NT5DC4: variants seen among roughly 807,000 people sequenced by gnomAD.
NT5DC4 encodes the protein 5'-nucleotidase domain-containing protein 4.
NT5DC4 carries 44 observed loss-of-function variants against 26.6 expected under a neutral mutation model. The observed-to-expected ratio is 1.65, with a 90% confidence interval of 1.30 to 2.13. The LOEUF (loss-of-function observed/expected upper bound fraction) is 2.13, where lower values mean the gene tolerates loss of function less well. Ranked by LOEUF, NT5DC4 falls within the 30% of genes most tolerant of loss-of-function variation. The pLI is 0.00. For synonymous variants in NT5DC4, 157 were observed against 86.7 expected (o/e 1.81, Z -4.51); for missense variants, 399 against 228.1 (o/e 1.75, Z -4.83).
Position 112,725,205 on chromosome 2 carries a change from C to A in NT5DC4, c.947C>A (p.Thr316Lys). ...DSGKLHVGTY[T>K]GPHQHCAVYS... is the part of the protein sequence containing the mutation. ...GGAAAGCTCCACGTGGGCACCTACACAGGGCCCCACCAGCACTGTGCTGTC... is the reference window on the plus strand; with the variant it reads ...GGAAAGCTCCACGTGGGCACCTACAAAGGGCCCCACCAGCACTGTGCTGTC... The change falls in exon 12 of 17, where the codon ACA (threonine) becomes AAA (lysine). Residue 316 changes from threonine to lysine, a missense_variant. Coordinates refer to ENST00000688554, the MANE Select transcript of NT5DC4 (RefSeq NM_001393655.1). The A allele has an allele frequency of 1.4e-6, 1 of 716,130 alleles. No individual in the cohort carries two copies. Among genetic ancestry groups the A allele is most frequent in the Non-Finnish European group, 2.6e-6 (1 of 384,140 alleles). The allele number at this position is 716,130 out of a possible 1,614,324, so 44.4% of individuals were successfully genotyped here.
rs1465552485 is a variant in NT5DC4, at chr2:112,723,426, C to G, written c.630C>G (p.Leu210=). The change falls in exon 8 of 17, where the codon CTC becomes CTG. Residue 210 remains leucine (L), a synonymous_variant. Coordinates refer to ENST00000688554, the MANE Select transcript of NT5DC4 (RefSeq NM_001393655.1). ...TTTGCTCCCTCCTGCAGGGCTGTCT[C>G]AAGAAGACCCTGGAGGACTTGGAGA... is the stretch of plus-strand genomic sequence containing the variant. The part of the protein sequence containing the change: ...AMNNIHQSGC[L]KKTLEDLEKY... The G allele has an allele frequency of 2.8e-6, 2 of 716,050 alleles. No individual in the cohort carries two copies. Among genetic ancestry groups the G allele is most frequent in the Admixed American group, 2.0e-5 (1 of 49,842 alleles). 44.4% of individuals were successfully genotyped at this position (716,050 alleles called of 1,614,324 possible).
rs760868339 is a variant in NT5DC4 at position 112,738,903 on chromosome 2, C to A, written c.1345-10C>A. 6.2e-7 allele frequency: 1 copy of A among 1,614,128 alleles called. No individual in the cohort carries two copies. The highest frequency in any genetic ancestry group is 8.5e-7 in the Non-Finnish European group (1 of 1,179,982). On this transcript the variant is annotated splice_polypyrimidine_tract_variant and intron_variant, in intron 16 of 16. Coordinates refer to ENST00000688554, the MANE Select transcript of NT5DC4 (RefSeq NM_001393655.1). ...AATATAAAACATTTTGTTTCTTCCACTTCTAACAGTTCATCAAGAGAAGCC... is the reference window on the plus strand; with the variant it reads ...AATATAAAACATTTTGTTTCTTCCAATTCTAACAGTTCATCAAGAGAAGCC...
chr2:112,724,245 G>A (rs1246459118), intron 10 of NT5DC4, 119 bp downstream of exon 10: 2 of 696,326 alleles, frequency 2.9e-6, no homozygotes, highest in African/African-American at 3.5e-5. Flanking sequence ...AGGAAGACCT[G>A]AGTGTGTGAG....
In NT5DC4 at chr2:112,734,169, A is replaced by ATATATGTGTGTGTGTGTGTGTG. The variant is rs150412692; in HGVS notation, c.1344+4466_1344+4467insATATGTGTGTGTGTGTGTGTGT. 5.1e-4 allele frequency among the ~76,000 whole-genome samples: 69 copies of ATATATGTGTGTGTGTGTGTGTG among 134,862 alleles called. 1 individual carries two copies. Among genetic ancestry groups the ATATATGTGTGTGTGTGTGTGTG allele is most frequent in the East Asian group, 8.8e-4 (4 of 4,552 alleles). The allele number at this position is 134,862 out of a possible 152,430, so 88.5% of individuals were successfully genotyped here. ...AAGTGTTTTCTATGCTATTATATATATGTGTGTGTGTGTGTGTGTGTGTGT... is the reference window on the plus strand; with the variant it reads ...AAGTGTTTTCTATGCTATTATATATATATATGTGTGTGTGTGTGTGTGTGTGTGTGTGTGTGTGTGTGTGTGT... On this transcript the variant is annotated intron_variant, in intron 16 of 16. Coordinates refer to ENST00000688554, the MANE Select transcript of NT5DC4 (RefSeq NM_001393655.1).
In NT5DC4 at chr2:112,721,978, C is replaced by T. The variant is rs1676932525; in HGVS notation, c.149-8C>T. ...ACCAAAGCCCTGATTCTGTCCGGGC[C>T]TCTGCAGCCTACAAGTCCCCAGCTT... On this transcript the variant is annotated splice_polypyrimidine_tract_variant and splice_region_variant and intron_variant, in intron 2 of 16. Transcript: ENST00000688554. The T allele has an allele frequency of 1.4e-6, 1 of 717,190 alleles. No individual in the cohort carries two copies. Among genetic ancestry groups the T allele is most frequent in the African/African-American group, 1.7e-5 (1 of 57,270 alleles). 44.4% of individuals were successfully genotyped at this position (717,190 alleles called of 1,614,324 possible).
chr2:112,721,792 G>T (rs760050345), intron 1 of NT5DC4, 26 bp from the exon 2 acceptor site: 11 of 717,096 alleles, frequency 1.5e-5, no homozygotes. Flanking sequence ...GTGGACTGAT[G>T]CCAACATCCT....
intron 16 of NT5DC4, among the ~76,000 whole-genome samples, chr2:112,732,254 G>C (rs975237740): frequency 6.6e-6 from 1 of 152,032 alleles, no homozygotes; most frequent in African/African-American, 2.4e-5. Context: ...GAAGCTTCCA[G>C]GTTTGACACT....
intron 15 of NT5DC4, 25 bp from the exon 16 acceptor site, chr2:112,729,602 C>T (rs1445278525): frequency 1.4e-6 from 1 of 717,708 alleles, no homozygotes; most frequent in Admixed American, 2.0e-5. Flanking sequence ...GAGTGCTTCA[C>T]CTCCACCTGC....
intron 16 of NT5DC4, among the ~76,000 whole-genome samples, chr2:112,735,558 G>C (rs887195757): frequency 6.6e-6 from 1 of 150,870 alleles, no homozygotes; most frequent in Non-Finnish European, 1.5e-5. Context: ...AACAACATTA[G>C]ACTTATTTTT....
At chr2:112,739,961 AT>A (rs905489088), downstream of NT5DC4, among the ~76,000 whole-genome samples, 3 of 146,408 alleles carry the variant, frequency 2.0e-5, no homozygotes, top group African/African-American at 2.5e-5. Flanking sequence ...CAGCCTTTTC[AT>A]TTTTTTTTTG....
intron 12 of NT5DC4, 60 bp downstream of exon 12, chr2:112,725,300 C>T (rs2104740796): frequency 1.4e-6 from 1 of 694,346 alleles, no homozygotes; most frequent in East Asian, 2.7e-5. Context: ...CGACTAGGAG[C>T]CCAGGCCCCT....
At chr2:112,723,055 C>T (rs1448044673) in intron 6 of NT5DC4, 26 bp from the exon 7 acceptor site, 1 of 702,286 alleles carries the variant, frequency 1.4e-6, no homozygotes, top group Non-Finnish European at 2.7e-6. Context: ...TTATTGGCCT[C>T]CCCGTCCCCT....
intron 14 of NT5DC4, 84 bp from the exon 15 acceptor site, chr2:112,726,594 G>A (rs573894953): frequency 1.4e-4 from 101 of 713,598 alleles, no homozygotes; most frequent in African/African-American, 1.3e-3. Context: ...CCCCCCACCC[G>A]ACCCCTGCTG....
chr2:112,727,177 C>T (rs906683406), intron 15 of NT5DC4: 15 of 212,988 alleles, frequency 7.0e-5, no homozygotes, highest in Admixed American at 3.5e-4. Context: ...GCCCATGGGT[C>T]AGCCAGGTGG....
intron 16 of NT5DC4, among the ~76,000 whole-genome samples, chr2:112,733,909 G>A (rs1365151852): frequency 6.6e-6 from 1 of 152,168 alleles, no homozygotes; most frequent in African/African-American, 2.4e-5. Context: ...ACTGGGAACA[G>A]TTCAATAATT....
upstream of NT5DC4, among the ~76,000 whole-genome samples, chr2:112,719,890 C>T (rs56286675): frequency 5.3e-3 from 254 of 48,002 alleles, 12 homozygotes; most frequent in African/African-American, 0.021. Flanking sequence ...TCTTTCTTTC[C>T]TTTCTTTCTT....
At chr2:112,722,400 G>A (rs1677013694) in intron 4 of NT5DC4, 83 bp from the exon 5 acceptor site, 1 of 713,930 alleles carries the variant, frequency 1.4e-6, no homozygotes, top group Non-Finnish European at 2.6e-6. Flanking sequence ...AGCACAGAAG[G>A]GATGCGTGGT....
rs546391422 is a variant in NT5DC4, at chr2:112,725,154, G to A, written c.916-20G>A. The A allele has an allele frequency of 4.2e-6, 3 of 710,702 alleles. No homozygotes were observed. Among genetic ancestry groups the A allele is most frequent in the South Asian group, 1.5e-5 (1 of 67,250 alleles). The allele number at this position is 710,702 out of a possible 1,614,324, so 44.0% of individuals were successfully genotyped here. ...AAGATGTGGTTCTCCTGGCTCCAGG[G>A]CACCCCTCTGCCCCTCCAGGACTCA... On this transcript the variant is annotated intron_variant, in intron 11 of 16. Coordinates refer to ENST00000688554, the MANE Select transcript of NT5DC4 (RefSeq NM_001393655.1).
At chr2:112,737,019 C>A (rs148811971) in intron 16 of NT5DC4, 1 of 152,064 alleles carries the variant, frequency 6.6e-6, no homozygotes, top group African/African-American at 2.4e-5. Flanking sequence ...CTCCACCTCC[C>A]GAGTTCAAGT....
Sources: allele counts gnomAD v4.1 joint callset (sites outside exome capture counted in the v4.1 genomes callset), GRCh38; gene constraint gnomAD v4.1.1; transcripts MANE v1.5; gene names NCBI Gene and HGNC (gene_info 2026-07-23, HGNC 2026-07-21).